NAALADL2: variants seen among roughly 807,000 people sequenced by gnomAD.
The protein encoded by NAALADL2 is N-acetylated alpha-linked acidic dipeptidase like 2.
NAALADL2 carries 76 observed loss-of-function variants against 87.2 expected under a neutral mutation model. That is an observed-to-expected ratio of 0.87 (90% CI 0.72 to 1.05). The LOEUF (loss-of-function observed/expected upper bound fraction) is 1.05. NAALADL2 is among the 50% of genes least tolerant of loss of function. The pLI, the probability that NAALADL2 is intolerant of heterozygous loss-of-function variation, is 0.00. For synonymous variants in NAALADL2, 354 were observed against 331.0 expected (o/e 1.07, Z -0.75); for missense variants, 1,089 against 945.8 (o/e 1.15, Z -1.99).
chr3:174,994,088 A>C (rs1361898243), intron 1 of NAALADL2, among the ~76,000 whole-genome samples: 1 of 152,186 alleles, frequency 6.6e-6, no homozygotes, highest in Non-Finnish European at 1.5e-5. Context: ...ATTCGATCAC[A>C]TTCACAGCTT....
intron 6 of NAALADL2, among the ~76,000 whole-genome samples, chr3:175,462,799 A>C (rs1723344937): frequency 6.6e-6 from 1 of 152,228 alleles, no homozygotes; most frequent in African/African-American, 2.4e-5. Flanking sequence ...AAATTCAAAA[A>C]GGTAGAGCGA....
chr3:175,649,582 G>T (rs1371234663), intron 11 of NAALADL2, among the ~76,000 whole-genome samples: 1 of 152,138 alleles, frequency 6.6e-6, no homozygotes, highest in Admixed American at 6.5e-5. Flanking sequence ...CCCTTGGGTT[G>T]CAGATGGCTG....
intron 9 of NAALADL2, among the ~76,000 whole-genome samples, chr3:175,479,770 TACTA>T (rs1332192414): frequency 6.6e-6 from 1 of 151,848 alleles, no homozygotes; most frequent in African/African-American, 2.4e-5. Flanking sequence ...TAGTTACTAC[TACTA>T]ACTGTATTTT....
At chr3:175,419,795 G>A (rs1223799971) in intron 5 of NAALADL2, among the ~76,000 whole-genome samples, 1 of 151,830 alleles carries the variant, frequency 6.6e-6, no homozygotes, top group Non-Finnish European at 1.5e-5. Flanking sequence ...GCAGTAGCTG[G>A]GGATGAACTA....
intron 6 of NAALADL2, among the ~76,000 whole-genome samples, chr3:175,461,972 G>A (rs1723201433): frequency 6.6e-6 from 1 of 152,132 alleles, no homozygotes; most frequent in Non-Finnish European, 1.5e-5. Flanking sequence ...TGAAGAGGTG[G>A]TGCACAGGGG....
At chr3:175,788,171 G>A (rs901518620) in intron 13 of NAALADL2, among the ~76,000 whole-genome samples, 18 of 142,724 alleles carry the variant, frequency 1.3e-4, no homozygotes, top group African/African-American at 4.2e-4. Flanking sequence ...TGGGCTCACT[G>A]CATCCTTGAC....
intron 1 of NAALADL2, among the ~76,000 whole-genome samples, chr3:174,984,081 A>G (rs369057735): frequency 6.8e-4 from 103 of 152,040 alleles, no homozygotes; most frequent in African/African-American, 2.2e-3. Flanking sequence ...TGATTAGTAA[A>G]ACAAATTATA....
At chr3:175,225,887 C>T (rs915208038) in intron 2 of NAALADL2, among the ~76,000 whole-genome samples, 1 of 152,004 alleles carries the variant, frequency 6.6e-6, no homozygotes, top group African/African-American at 2.4e-5. Context: ...ATCTCCTGCA[C>T]AAATGTGTGC....
At chr3:174,958,445 C>G (rs1427562975) in intron 1 of NAALADL2, among the ~76,000 whole-genome samples, 2 of 151,838 alleles carry the variant, frequency 1.3e-5, no homozygotes, top group Non-Finnish European at 2.9e-5. Context: ...ATCTGTTTCC[C>G]CAGAGAGTCC....
intron 5 of NAALADL2, among the ~76,000 whole-genome samples, chr3:175,325,152 GT>G (rs923292146): frequency 8.7e-5 from 8 of 91,474 alleles, no homozygotes; most frequent in East Asian, 1.3e-3. Context: ...AATTTTTTTT[GT>G]TTTTTTTTCC....
At chr3:174,727,832 G>A (rs1732347090) in intron 2 of NAALADL2, among the ~76,000 whole-genome samples, 2 of 152,102 alleles carry the variant, frequency 1.3e-5, no homozygotes, top group African/African-American at 4.8e-5. Context: ...AGTATCATAT[G>A]TAATAGTTTC....
At chr3:175,494,462 C>T (rs1728534390) in intron 9 of NAALADL2, among the ~76,000 whole-genome samples, 1 of 152,068 alleles carries the variant, frequency 6.6e-6, no homozygotes, top group Admixed American at 6.6e-5. Context: ...CCCTGTCTGA[C>T]TCGAGTTCCT....
chr3:174,948,154 A>G, intron 1 of NAALADL2, among the ~76,000 whole-genome samples: 1 of 143,822 alleles, frequency 7.0e-6, no homozygotes, highest in East Asian at 2.1e-4. Flanking sequence ...ATGGAGGCCC[A>G]TATAGAACTT....
intron 11 of NAALADL2, among the ~76,000 whole-genome samples, chr3:175,694,492 A>G (rs947665691): frequency 2.0e-5 from 3 of 152,182 alleles, no homozygotes; most frequent in Admixed American, 1.3e-4. Flanking sequence ...AAAAGAATAC[A>G]GTTACAGACT....
intron 1 of NAALADL2, among the ~76,000 whole-genome samples, chr3:174,974,508 A>G (rs377229730): frequency 1.4e-4 from 21 of 152,188 alleles, no homozygotes; most frequent in African/African-American, 4.6e-4. Flanking sequence ...TCAACTAAGG[A>G]TATTAAATGA....
intron 1 of NAALADL2, among the ~76,000 whole-genome samples, chr3:175,029,772 C>CTCCAGGAAAT (rs1273872750): frequency 7.9e-5 from 12 of 152,052 alleles, no homozygotes; most frequent in Non-Finnish European, 1.3e-4. Flanking sequence ...CCATAAATGC[C>CTCCAGGAAAT]ACAAAAATTA....
intron 5 of NAALADL2, among the ~76,000 whole-genome samples, chr3:175,413,324 C>T (rs546141411): frequency 6.6e-6 from 1 of 151,022 alleles, no homozygotes. Context: ...GTAATCCCAG[C>T]CTTTTGGGAG....
At chr3:174,520,347 A>G (rs1426413271) in intron 1 of NAALADL2, among the ~76,000 whole-genome samples, 1 of 152,212 alleles carries the variant, frequency 6.6e-6, no homozygotes, top group Non-Finnish European at 1.5e-5. Flanking sequence ...AGAGAATAGT[A>G]CTGGTACAAA....
At chr3:174,786,540 T>C (rs1269308657) in intron 3 of NAALADL2, among the ~76,000 whole-genome samples, 1 of 152,014 alleles carries the variant, frequency 6.6e-6, no homozygotes, top group Non-Finnish European at 1.5e-5. Flanking sequence ...GAGAGGATGA[T>C]AGATCTGTTC....
Sources: allele counts gnomAD v4.1 joint callset (sites outside exome capture counted in the v4.1 genomes callset), GRCh38; gene constraint gnomAD v4.1.1; transcripts MANE v1.5; gene names NCBI Gene and HGNC (gene_info 2026-07-23, HGNC 2026-07-21).